Variants in RGPD8 observed in about 807,000 individuals in gnomAD.
RGPD8 encodes the protein RANBP2 like and GRIP domain containing 8, also known as RANBP2-like and GRIP domain-containing protein 8.
RGPD8 carries 15 observed loss-of-function variants against 89.1 expected under a neutral mutation model. That is an observed-to-expected ratio of 0.17 (90% CI 0.11 to 0.26). The LOEUF (loss-of-function observed/expected upper bound fraction) is 0.26. RGPD8 is among the 10% of genes least tolerant of loss of function. RGPD8 has a pLI of 1.00. For missense variants in RGPD8, 178 were observed against 1,179.6 expected, an observed-to-expected ratio of 0.15 and a Z score of 12.44; for synonymous variants, 62 against 420.9, an observed-to-expected ratio of 0.15 and a Z score of 10.44.
At chr2:112,375,016 C>G (rs1180735938) in intron 22 of RGPD8, among the ~76,000 whole-genome samples, 1 of 133,176 alleles carries the variant, frequency 7.5e-6, no homozygotes, top group Admixed American at 7.6e-5. Context: ...GCATGCGCCA[C>G]CATGCCCGGC....
Position 112,410,560 on chromosome 2 carries a change from G to A in RGPD8, c.978+1871C>T, listed in dbSNP as rs1441696696. Among the ~76,000 whole-genome samples the A allele has an allele frequency of 1.1e-4, 17 of 150,892 alleles. No individual in the cohort carries two copies. The East Asian group carries it at 1.2e-3, about 11-fold the overall frequency. On this transcript the variant is annotated intron_variant, in intron 7 of 22. Transcript: ENST00000302558. The stretch of plus-strand genomic sequence containing the variant: ...TGAGAGGCCGAGTTGGGTGGATCAC[G>A]AGGTCAGAAGATCGAGACCATCCTG...
chr2:112,427,675 G>GAGTCTC (rs1679833213), intron 1 of RGPD8, among the ~76,000 whole-genome samples: 3 of 152,066 alleles, frequency 2.0e-5, no homozygotes, highest in Non-Finnish European at 2.9e-5. Flanking sequence ...AATTCAAACG[G>GAGTCTC]AGTCTCACCC....
intron 20 of RGPD8, among the ~76,000 whole-genome samples, chr2:112,381,983 G>C (rs1678319668): frequency 6.6e-6 from 1 of 152,302 alleles, no homozygotes; most frequent in Admixed American, 6.5e-5. Context: ...ATTAACATTT[G>C]AGTCAGTGGG....
At chr2:112,417,140 C>A in intron 6 of RGPD8, 53 bp downstream of exon 6, 5 of 1,607,828 alleles carry the variant, frequency 3.1e-6, no homozygotes, top group Non-Finnish European at 4.2e-6. Flanking sequence ...GAACTTACTG[C>A]AAAAAGAAAA....
chr2:112,432,849 A>G (rs1269890809), intron 1 of RGPD8, among the ~76,000 whole-genome samples: 1 of 152,206 alleles, frequency 6.6e-6, no homozygotes, highest in Non-Finnish European at 1.5e-5. Context: ...TGCGCTTGCA[A>G]GCGCCACGCC....
intron 1 of RGPD8, among the ~76,000 whole-genome samples, chr2:112,431,640 G>GTTTTTTTTT (rs1558993536): frequency 6.7e-6 from 1 of 149,328 alleles, no homozygotes; most frequent in African/African-American, 2.5e-5. Context: ...GTGAGTTTCT[G>GTTTTTTTTT]GTTTTTTTTT....
chr2:112,415,629 A>G (rs1166381179), intron 6 of RGPD8, among the ~76,000 whole-genome samples: 1 of 151,190 alleles, frequency 6.6e-6, no homozygotes, highest in East Asian at 1.9e-4. Flanking sequence ...TATTCAGAGC[A>G]TTGAGAGGAA....
intron 21 of RGPD8, among the ~76,000 whole-genome samples, chr2:112,379,339 GT>G (rs1281186330): frequency 6.6e-6 from 1 of 151,364 alleles, no homozygotes; most frequent in African/African-American, 2.4e-5. Context: ...GCTCATGCCT[GT>G]AATCCCAACA....
At chr2:112,374,759 T>C (rs1396728977) in intron 22 of RGPD8, among the ~76,000 whole-genome samples, 5 of 140,048 alleles carry the variant, frequency 3.6e-5, no homozygotes, top group Non-Finnish European at 6.3e-5. Flanking sequence ...GAACTTCGAT[T>C]AGTAAAAACA....
chr2:112,425,479 G>A (rs1679731146), intron 1 of RGPD8, among the ~76,000 whole-genome samples: 4 of 152,068 alleles, frequency 2.6e-5, no homozygotes, highest in Admixed American at 2.6e-4. Context: ...TGCACACCAG[G>A]CTGGGTGCGG....
chr2:112,423,762 C>T (rs3877271), intron 2 of RGPD8, among the ~76,000 whole-genome samples: 4,438 of 76,214 alleles, frequency 0.058, no homozygotes, highest in East Asian at 0.17. Context: ...CCACTCCCAG[C>T]CAGGAAATCA....
intron 21 of RGPD8, among the ~76,000 whole-genome samples, chr2:112,379,413 G>A (rs1455170802): frequency 6.7e-6 from 1 of 150,014 alleles, no homozygotes; most frequent in Non-Finnish European, 1.5e-5. Flanking sequence ...TGGCCAACAT[G>A]GTGAAACTGT....
chr2:112,377,399 C>G (rs1257557748), intron 22 of RGPD8, among the ~76,000 whole-genome samples: 1 of 110,702 alleles, frequency 9.0e-6, no homozygotes, highest in African/African-American at 2.9e-5. Context: ...CTGCCTCAGC[C>G]CCCTGAGTAG....
chr2:112,429,497 A>C (rs1679929920), intron 1 of RGPD8, among the ~76,000 whole-genome samples: 1 of 151,298 alleles, frequency 6.6e-6, no homozygotes, highest in African/African-American at 2.4e-5. Flanking sequence ...AAAAGTATAT[A>C]TGTGTGTTAC....
chr2:112,411,412 C>T (rs1331322106), intron 7 of RGPD8, among the ~76,000 whole-genome samples: 1 of 128,484 alleles, frequency 7.8e-6, no homozygotes, highest in Admixed American at 7.8e-5. Flanking sequence ...ACTAAAAGTA[C>T]AAAAAAAAAT....
intron 1 of RGPD8, among the ~76,000 whole-genome samples, chr2:112,425,125 GAAGTT>G (rs1679717477): frequency 6.6e-6 from 1 of 152,036 alleles, no homozygotes; most frequent in Non-Finnish European, 1.5e-5. Flanking sequence ...GCAGACAACA[GAAGTT>G]AAGAATTTTC....
intron 6 of RGPD8, among the ~76,000 whole-genome samples, chr2:112,413,082 T>C (rs2104810988): frequency 7.6e-6 from 1 of 130,828 alleles, no homozygotes; most frequent in South Asian, 2.4e-4. Flanking sequence ...GCAATTGCTC[T>C]TTTTACTATA....
intron 1 of RGPD8, among the ~76,000 whole-genome samples, chr2:112,425,756 C>G (rs1038721942): frequency 1.0e-5 from 1 of 100,422 alleles, no homozygotes; most frequent in Non-Finnish European, 2.1e-5. Flanking sequence ...GATTCCATCT[C>G]AAAAAAAAAA....
chr2:112,428,653 A>G (rs1180628910), intron 1 of RGPD8, among the ~76,000 whole-genome samples: 7 of 151,760 alleles, frequency 4.6e-5, no homozygotes, highest in African/African-American at 1.7e-4. Context: ...AGAAAAACCA[A>G]TCCGGGTTGG....
Sources: allele counts gnomAD v4.1 joint callset (sites outside exome capture counted in the v4.1 genomes callset), GRCh38; gene constraint gnomAD v4.1.1; transcripts MANE v1.5; gene names NCBI Gene and HGNC (gene_info 2026-07-23, HGNC 2026-07-21).